ZNF517: variants seen among roughly 807,000 people sequenced by gnomAD.
ZNF517 encodes zinc finger protein 517.
Under a neutral mutation model 12.1 loss-of-function variants are expected in ZNF517, and 12 were observed. That is an observed-to-expected ratio of 0.99 (90% CI 0.63 to 1.61). The LOEUF (loss-of-function observed/expected upper bound fraction) is 1.61. Ranked by LOEUF, ZNF517 falls within the 40% of genes most tolerant of loss-of-function variation. The pLI, the probability that ZNF517 is intolerant of heterozygous loss-of-function variation, is 0.00. For synonymous variants in ZNF517, 388 were observed against 310.2 expected, an observed-to-expected ratio of 1.25 and a Z score of -2.63; for missense variants, 781 against 693.2, an observed-to-expected ratio of 1.13 and a Z score of -1.42.
At chr8:144,800,519 C>T (rs1180841226) in intron 1 of ZNF517, 4 of 985,184 alleles carry the variant, frequency 4.1e-6, no homozygotes, top group Non-Finnish European at 4.8e-6. Context: ...GGTCGGGGAT[C>T]AAGTCTTCTG....
chr8:144,812,711 T>C (rs1827593461), downstream of ZNF517, among the ~76,000 whole-genome samples: 1 of 152,194 alleles, frequency 6.6e-6, no homozygotes, highest in Non-Finnish European at 1.5e-5. Flanking sequence ...ACCTCAGCCT[T>C]CTCAAAGCTG....
intron 4 of ZNF517, among the ~76,000 whole-genome samples, chr8:144,805,830 G>A (rs1173476413): frequency 1.7e-5 from 2 of 116,716 alleles, no homozygotes; most frequent in South Asian, 2.7e-4. Flanking sequence ...CCATGTTAGC[G>A]AGGATGGTCT....
Position 144,807,310 on chromosome 8 carries a change from C to T in ZNF517, c.394C>T (p.Pro132Ser), listed in dbSNP as rs1827278013. Residue 132 changes from proline to serine, a missense_variant, in exon 5 of 5, where the codon CCT becomes TCT. Pro to Ser is a moderately conservative substitution (Grantham distance 74). Coordinates refer to ENST00000359971, the MANE Select transcript of ZNF517 (RefSeq NM_213605.3). The stretch of plus-strand genomic sequence containing the variant: ...CTGGGGGCACCCTGTGGGGGGGCAC[C>T]CTGCACCACCCCACCCGCATGGCGG... ...LPWGHPVGGH[P>S]APPHPHGGPE... is the part of the protein sequence containing the mutation. 6.4e-7 allele frequency: 1 copy of T among 1,551,940 alleles called. No individual in the cohort carries two copies. The highest frequency in any genetic ancestry group is 8.7e-7 in the Non-Finnish European group (1 of 1,148,216).
At chr8:144,812,832 A>G (rs1364553334), downstream of ZNF517, among the ~76,000 whole-genome samples, 2 of 152,216 alleles carry the variant, frequency 1.3e-5, no homozygotes, top group African/African-American at 4.8e-5. Flanking sequence ...ATTCAACGTG[A>G]TCTTATATAT....
rs965639308 is a variant in ZNF517, at chr8:144,808,646, G to T, written c.*251G>T. ...TGGGGCCTTCCGGAAATGTCCAGGA[G>T]CGGGCAGAAGGGAGAGAGGGAGGGG... is the stretch of plus-strand genomic sequence containing the variant. On this transcript the variant is annotated 3_prime_UTR_variant, in exon 5 of 5. Transcript: ENST00000359971. 9 of 430,546 alleles carry T rather than the reference G, an allele frequency of 2.1e-5. No individual in the cohort carries two copies. The highest frequency in any genetic ancestry group is 1.0e-4 in the African/African-American group (5 of 48,666). 26.7% of individuals were successfully genotyped at this position (430,546 alleles called of 1,614,324 possible). A position where few individuals can be genotyped will look rare whatever the true frequency, so the allele number is the denominator to read the frequency against.
chr8:144,803,462 C>T, intron 2 of ZNF517, 179 bp from the exon 3 acceptor site: 2 of 732,876 alleles, frequency 2.7e-6, no homozygotes, highest in Non-Finnish European at 4.3e-6. Context: ...TCTGGGGCTT[C>T]TGCTGAGAAT....
In ZNF517 at chr8:144,807,296, C is replaced by T. The variant is rs371695082; in HGVS notation, c.380C>T (p.Pro127Leu). 1 of 1,554,194 alleles carries T rather than the reference C, an allele frequency of 6.4e-7. No homozygotes were observed. Among genetic ancestry groups the T allele is most frequent in the Admixed American group, 1.9e-5 (1 of 51,792 alleles). The change falls in exon 5 of 5, where the codon CCT (proline) becomes CTT (leucine). Residue 127 changes from proline to leucine, a missense_variant. Coordinates refer to ENST00000359971, the MANE Select transcript of ZNF517 (RefSeq NM_213605.3). Reference sequence around the variant, plus strand: ...TGGGGGTGCCTCCCCTGGGGGCACCCTGTGGGGGGGCACCCTGCACCACCC... The same window carrying T: ...TGGGGGTGCCTCCCCTGGGGGCACCTTGTGGGGGGGCACCCTGCACCACCC... ...TVWGCLPWGHPVGGHPAPPHP... is the reference protein window; with the variant it reads ...TVWGCLPWGHLVGGHPAPPHP...
At chr8:144,799,450 C>A (rs1826835929) in intron 1 of ZNF517, among the ~76,000 whole-genome samples, 1 of 152,188 alleles carries the variant, frequency 6.6e-6, no homozygotes, top group South Asian at 2.1e-4. Context: ...TGCTGGGGAC[C>A]CCGCAGTGAG....
In ZNF517 at chr8:144,808,239, G is replaced by A. The variant is rs930044377; in HGVS notation, c.1323G>A (p.Glu441=). 1 of 1,601,100 alleles carries A rather than the reference G, an allele frequency of 6.2e-7. No homozygotes were observed. Among genetic ancestry groups the A allele is most frequent in the Non-Finnish European group, 8.5e-7 (1 of 1,173,088 alleles). ...TCCGCAGGAGCTACACGCTGAACGAGCACTACCGGCTCCACAGCGGCGAGA... is the reference window on the plus strand; with the variant it reads ...TCCGCAGGAGCTACACGCTGAACGAACACTACCGGCTCCACAGCGGCGAGA... ...KAFRRSYTLN[E]HYRLHSGERP... is the part of the protein sequence containing the mutation. The change falls in exon 5 of 5, where the codon GAG becomes GAA. Residue 441 remains glutamate (E), a synonymous_variant. Transcript: ENST00000359971.
Position 144,807,650 on chromosome 8 carries a change from G to T in ZNF517, c.734G>T (p.Ser245Ile). The T allele has an allele frequency of 1.2e-6, 2 of 1,609,216 alleles. No homozygotes were observed. ...GAGTGCGGGAAGGCCTTCCGGCAGA[G>T]CACGCAGCTGGCTGCCCACCACCGC... The part of the protein sequence containing the change: ...CGECGKAFRQ[S>I]TQLAAHHRVH... The change falls in exon 5 of 5, where the codon AGC becomes ATC. Residue 245 changes from serine to isoleucine, a missense_variant. Ser to Ile is a moderately radical substitution (Grantham distance 142). Transcript: ENST00000359971.
At chr8:144,804,335 G>A (rs1291157007) in intron 4 of ZNF517, 97 bp downstream of exon 4, 3 of 857,456 alleles carry the variant, frequency 3.5e-6, no homozygotes, top group Non-Finnish European at 5.3e-6. Flanking sequence ...TGGGAGGTGT[G>A]TATGTTTAGC....
Position 144,808,475 on chromosome 8 carries a change from CCT to C in ZNF517, c.*81_*82del. The C allele has an allele frequency of 2.1e-6, 3 of 1,402,738 alleles. No homozygotes were observed. The highest frequency in any genetic ancestry group is 1.7e-5 in the South Asian group (1 of 59,168). 86.9% of individuals were successfully genotyped at this position (1,402,738 alleles called of 1,614,324 possible). On this transcript the variant is annotated 3_prime_UTR_variant, in exon 5 of 5. Transcript: ENST00000359971. ...GCCCTAGCGCAGAAATTCAGAACCC[CCT>C]GTCCTGAAGGTGAAGCAAAGTCTAA...
At chr8:144,803,820 T>A in intron 3 of ZNF517, 53 bp downstream of exon 3, 1 of 1,585,250 alleles carries the variant, frequency 6.3e-7, no homozygotes, top group Non-Finnish European at 8.6e-7. Flanking sequence ...TGTGTTAGCT[T>A]CAAAGGAAGT....
chr8:144,807,435 C>T lies in ZNF517; in HGVS notation c.519C>T (p.Ser173=). 1 of 1,571,492 alleles carries T rather than the reference C, an allele frequency of 6.4e-7. No individual in the cohort carries two copies. Among genetic ancestry groups the T allele is most frequent in the Non-Finnish European group, 8.6e-7 (1 of 1,159,020 alleles). Residue 173 remains serine (S), a synonymous_variant, in exon 5 of 5, where the codon AGC becomes AGT. Coordinates refer to ENST00000359971, the MANE Select transcript of ZNF517 (RefSeq NM_213605.3). Reference sequence around the variant, plus strand: ...AAGACCTGGGCCGGCCTGTGGGGAGCTCAGCCCCCCGCTACAGGTGCGTGT... The same window carrying T: ...AAGACCTGGGCCGGCCTGTGGGGAGTTCAGCCCCCCGCTACAGGTGCGTGT... ...LQEDLGRPVG[S]SAPRYRCVCG... is the part of the protein sequence containing the mutation.
chr8:144,803,162 G>A, intron 2 of ZNF517: 1 of 604,990 alleles, frequency 1.7e-6, no homozygotes, highest in East Asian at 2.9e-5. Context: ...GCTTCCTGCG[G>A]CCTCCTCTGG....
intron 2 of ZNF517, chr8:144,803,282 C>A: frequency 2.1e-6 from 1 of 469,172 alleles, no homozygotes; most frequent in Non-Finnish European, 3.8e-6. Context: ...CTGATGCTGA[C>A]TCACTGCTGG....
chr8:144,803,600 C>T (rs202057408), intron 2 of ZNF517, 41 bp from the exon 3 acceptor site: 37 of 1,610,646 alleles, frequency 2.3e-5, no homozygotes, highest in Admixed American at 6.7e-5. Flanking sequence ...GGGTTCTCAC[C>T]GAGCCCTTGA....
chr8:144,808,450 G>T lies in ZNF517; in HGVS notation c.*55G>T, dbSNP rs1827409681. The T allele has an allele frequency of 7.0e-7, 1 of 1,427,324 alleles. No individual in the cohort carries two copies. Among genetic ancestry groups the T allele is most frequent in the Non-Finnish European group, 9.2e-7 (1 of 1,090,726 alleles). 88.4% of individuals were successfully genotyped at this position (1,427,324 alleles called of 1,614,324 possible). A position where few individuals can be genotyped will look rare whatever the true frequency, so the allele number is the denominator to read the frequency against. ...CTGGAAGCCCACCCAAGCCGGCGGG[G>T]CCCTAGCGCAGAAATTCAGAACCCC... On this transcript the variant is annotated 3_prime_UTR_variant, in exon 5 of 5. Transcript: ENST00000359971.
Position 144,808,306 on chromosome 8 carries a change from C to G in ZNF517, c.1390C>G (p.Leu464Val). Residue 464 changes from leucine (L) to valine (V), a missense_variant, in exon 5 of 5, where the codon CTG (leucine) becomes GTG (valine). Physicochemically the swap from Leu to Val is conservative, Grantham distance 32 (BLOSUM62 1). Transcript: ENST00000359971. ...CRACGRACSR[L>V]STLIQHQKVH... ...CGCCTGCGGGAGGGCCTGCAGCCGG[C>G]TGTCCACCCTCATCCAGCACCAGAA... 1 of 1,532,778 alleles carries G rather than the reference C, an allele frequency of 6.5e-7. No individual in the cohort carries two copies. Among genetic ancestry groups the G allele is most frequent in the Non-Finnish European group, 8.8e-7 (1 of 1,136,960 alleles). The allele number at this position is 1,532,778 out of a possible 1,614,324, so 94.9% of individuals were successfully genotyped here. A position where few individuals can be genotyped will look rare whatever the true frequency, so the allele number is the denominator to read the frequency against.
Sources: allele counts gnomAD v4.1 joint callset (sites outside exome capture counted in the v4.1 genomes callset), GRCh38; gene constraint gnomAD v4.1.1; transcripts MANE v1.5; gene names NCBI Gene and HGNC (gene_info 2026-07-23, HGNC 2026-07-21).